The following SFXN2 variants were observed in gnomAD, a reference collection of about 807,000 sequenced individuals.
SFXN2 encodes the protein sideroflexin 2, also known as sideroflexin-2.
Under a neutral mutation model 41.9 loss-of-function variants are expected in SFXN2, and 37 were observed. That is an observed-to-expected ratio of 0.88 (90% CI 0.68 to 1.16). The LOEUF (loss-of-function observed/expected upper bound fraction) is 1.16. Among genes scored for constraint, SFXN2 ranks in the 50% most tolerant of loss-of-function variants. The pLI is 0.00. For missense variants in SFXN2, 386 were observed against 425.2 expected (o/e 0.91, Z 0.81); for synonymous variants, 150 against 156.7 (o/e 0.96, Z 0.32).
At chr10:102,732,264 G>A in intron 8 of SFXN2, 46 bp downstream of exon 8, 1 of 1,569,742 alleles carries the variant, frequency 6.4e-7, no homozygotes. Context: ...TGTGACACAG[G>A]GTGGAGGTCT....
At position 102,714,666 on chromosome 10, in the gene SFXN2, T is replaced by C; in HGVS notation, c.-41T>C. The C allele has an allele frequency of 4.0e-6, 1 of 250,348 alleles. No homozygotes were observed. Among genetic ancestry groups the C allele is most frequent in the Non-Finnish European group, 7.5e-6 (1 of 132,810 alleles). 15.5% of individuals were successfully genotyped at this position (250,348 alleles called of 1,614,324 possible). ...TCAAGGCGGGCTGTAACTGGTGGCA[T>C]TTGTCCCGGGACCAGGTAAGGGGCC... On this transcript the variant is annotated 5_prime_UTR_variant, in exon 1 of 12. Transcript: ENST00000369893.
At chr10:102,733,498 T>G in intron 9 of SFXN2, 56 bp from the exon 10 acceptor site, 1 of 1,449,766 alleles carries the variant, frequency 6.9e-7, no homozygotes, top group South Asian at 1.1e-5. Context: ...GGGTTGGGGT[T>G]CACCTTAAGG....
In SFXN2 at chr10:102,731,896, C is replaced by G. The variant is rs2064709894; in HGVS notation, c.654+113C>G. 9 of 933,978 alleles carry G rather than the reference C, an allele frequency of 9.6e-6. 1 individual carries two copies. The South Asian group carries it at 1.4e-4, about 15-fold the overall frequency. 57.9% of individuals were successfully genotyped at this position (933,978 alleles called of 1,614,324 possible). On this transcript the variant is annotated intron_variant, in intron 7 of 11. Transcript: ENST00000369893. The stretch of plus-strand genomic sequence containing the variant: ...TAGGATTGAGAAGCCTTTTCTGGCT[C>G]CATCCTCACTCCCTATCAAATTTTC...
intron 5 of SFXN2, 53 bp from the exon 6 acceptor site, chr10:102,729,670 C>G (rs1224915841): frequency 6.4e-7 from 1 of 1,564,420 alleles, no homozygotes; most frequent in Non-Finnish European, 8.8e-7. Flanking sequence ...GCCCCCTCCC[C>G]TCCCATCTTC....
chr10:102,729,245 T>C (rs1011130575), intron 4 of SFXN2, 74 bp from the exon 5 acceptor site: 2 of 1,469,390 alleles, frequency 1.4e-6, no homozygotes, highest in East Asian at 2.3e-5. Flanking sequence ...GCCAGCCGAC[T>C]TTCTCCCTGA....
chr10:102,738,370 C>G lies in SFXN2; in HGVS notation c.*608C>G, dbSNP rs1219925581. 2 of 151,998 alleles carry G rather than the reference C, an allele frequency of 1.3e-5. No homozygotes were observed. Among genetic ancestry groups the G allele is most frequent in the Non-Finnish European group, 2.9e-5 (2 of 68,122 alleles). 9.4% of individuals were successfully genotyped at this position (151,998 alleles called of 1,614,324 possible). A position where few individuals can be genotyped will look rare whatever the true frequency, so the allele number is the denominator to read the frequency against. On this transcript the variant is annotated 3_prime_UTR_variant, in exon 12 of 12. Coordinates refer to ENST00000369893, the MANE Select transcript of SFXN2 (RefSeq NM_178858.6). ...GGAATGCAGTGGCGCGATCTCGGCTCACTGCAAACTCTGCCTCCTGGATTC... is the reference window on the plus strand; with the variant it reads ...GGAATGCAGTGGCGCGATCTCGGCTGACTGCAAACTCTGCCTCCTGGATTC...
In SFXN2 at chr10:102,717,836, G is replaced by T. The variant is rs776196675; in HGVS notation, c.-26+3155G>T. 9.4e-4 allele frequency: 912 copies of T among 971,244 alleles called. 1 individual carries two copies. The highest frequency in any genetic ancestry group is 1.1e-3 in the Non-Finnish European group (872 of 817,070). 60.2% of individuals were successfully genotyped at this position (971,244 alleles called of 1,614,324 possible). On this transcript the variant is annotated intron_variant, in intron 1 of 11. Transcript: ENST00000369893. ...GAAACATGTAGCAGTAAACATCACAGACATGATCCCGATGCTTGTGAGCCT... is the reference window on the plus strand; with the variant it reads ...GAAACATGTAGCAGTAAACATCACATACATGATCCCGATGCTTGTGAGCCT...
chr10:102,729,614 TGGCGGTAGCAA>T (rs2136049808), intron 5 of SFXN2, 98 bp from the exon 6 acceptor site: 1 of 1,232,984 alleles, frequency 8.1e-7, no homozygotes, highest in East Asian at 2.3e-5. Context: ...TCTGGATGTG[TGGCGGTAGCAA>T]GGCCTAGTTT....
chr10:102,732,795 T>A, intron 8 of SFXN2, 64 bp from the exon 9 acceptor site: 2 of 1,569,022 alleles, frequency 1.3e-6, no homozygotes, highest in Non-Finnish European at 1.8e-6. Context: ...CTGGTCTGAC[T>A]TCAGAAGGAG....
Position 102,734,949 on chromosome 10 carries a change from A to G in SFXN2, c.822-913A>G, listed in dbSNP as rs985224072. ...ACCTGGCATTTTAATAAGCTCCTGA[A>G]GTTATATGCACAGTGAAGCTGGAGA... On this transcript the variant is annotated intron_variant, in intron 10 of 11. Transcript: ENST00000369893. This position sits in a 1 kb window ranked among gnomAD's most constrained non-coding sequence, Gnocchi z 4.1. Among the ~76,000 whole-genome samples the G allele has an allele frequency of 3.9e-5, 6 of 152,082 alleles. No homozygotes were observed. The highest frequency in any genetic ancestry group is 1.4e-4 in the African/African-American group (6 of 41,390).
chr10:102,717,124 C>CTTTTTT (rs55839661), intron 1 of SFXN2, among the ~76,000 whole-genome samples: 9 of 97,244 alleles, frequency 9.3e-5, no homozygotes, highest in East Asian at 3.5e-4. Context: ...TTCTCTCTCT[C>CTTTTTT]TTTTTTTTTT....
intron 3 of SFXN2, chr10:102,727,549 G>A (rs1808046151): frequency 6.1e-6 from 1 of 164,874 alleles, no homozygotes; most frequent in Non-Finnish European, 1.3e-5. Flanking sequence ...AAAACAATAG[G>A]AAGTCCCTTT....
chr10:102,726,962 A>T, intron 2 of SFXN2, 25 bp from the exon 3 acceptor site: 1 of 1,588,934 alleles, frequency 6.3e-7, no homozygotes, highest in South Asian at 1.1e-5. Flanking sequence ...CAGGATGGTG[A>T]CTGCCTGCTG....
chr10:102,724,597 G>C (rs1205588098), intron 1 of SFXN2, among the ~76,000 whole-genome samples: 1 of 152,068 alleles, frequency 6.6e-6, no homozygotes, highest in Non-Finnish European at 1.5e-5. Flanking sequence ...AGCTACTTGG[G>C]AGGCTGAGGC....
chr10:102,729,289 C>T, intron 4 of SFXN2, 30 bp from the exon 5 acceptor site: 1 of 1,611,134 alleles, frequency 6.2e-7, no homozygotes, highest in Non-Finnish European at 8.5e-7. Context: ...GGCAGGGGCC[C>T]CACTCCCAAG....
At chr10:102,720,117 C>T (rs199843635) in intron 1 of SFXN2, among the ~76,000 whole-genome samples, 4 of 151,826 alleles carry the variant, frequency 2.6e-5, no homozygotes, top group East Asian at 3.9e-4. Context: ...ACGGTGAAAC[C>T]GCGTCTCTAC....
chr10:102,716,966 G>A lies in SFXN2; in HGVS notation c.-26+2285G>A, dbSNP rs183571540. Among the ~76,000 whole-genome samples, 756 of 152,170 alleles carry A rather than the reference G, an allele frequency of 5.0e-3. 9 individuals are homozygous for A. Among genetic ancestry groups the A allele is most frequent in the Admixed American group, 0.024 (366 of 15,268 alleles). On this transcript the variant is annotated intron_variant, in intron 1 of 11. Coordinates refer to ENST00000369893, the MANE Select transcript of SFXN2 (RefSeq NM_178858.6). ...TGAGGACTGGATCTGTTGATTGTTC[G>A]TGTTTATATCTGCTGCAAGCGCTTA...
At chr10:102,732,426 A>G (rs2064717668) in intron 8 of SFXN2, among the ~76,000 whole-genome samples, 2 of 152,208 alleles carry the variant, frequency 1.3e-5, no homozygotes. Flanking sequence ...AGTTATTTTC[A>G]TTTTATTAAT....
intron 1 of SFXN2, among the ~76,000 whole-genome samples, chr10:102,721,025 C>T (rs879325345): frequency 1.6e-4 from 25 of 152,074 alleles, no homozygotes; most frequent in Non-Finnish European, 3.2e-4. Flanking sequence ...GCTAGAACAC[C>T]CCTGAACCCC....
Sources: gnomAD v4.1 joint callset for allele counts (sites outside exome capture counted in the v4.1 genomes callset) on GRCh38, gnomAD v4.1.1 for gene constraint, Gnocchi (gnomAD v3.1) non-coding constraint, MANE v1.5 for transcripts, NCBI Gene and HGNC (gene_info 2026-07-23, HGNC 2026-07-21) for gene names.